RUNDC3B: variants seen among roughly 807,000 people sequenced by gnomAD.
The protein encoded by RUNDC3B is RUN domain containing 3B.
In RUNDC3B, 33 loss-of-function variants were observed where a neutral mutation model predicts 58.4. The ratio of observed to expected loss-of-function variants is 0.56; its 90% CI spans 0.43 to 0.75. RUNDC3B has a LOEUF of 0.75. RUNDC3B is among the 30% of genes least tolerant of loss of function. RUNDC3B has a pLI of 0.00. For synonymous variants in RUNDC3B, 193 were observed against 195.2 expected, an observed-to-expected ratio of 0.99 and a Z score of 0.10; for missense variants, 501 against 535.7, an observed-to-expected ratio of 0.94 and a Z score of 0.64.
At chr7:87,754,243 T>C (rs979534508) in intron 6 of RUNDC3B, among the ~76,000 whole-genome samples, 5 of 152,290 alleles carry the variant, frequency 3.3e-5, no homozygotes, top group East Asian at 1.9e-4. Flanking sequence ...AAACACACTC[T>C]TGGACCACAG....
At chr7:87,676,733 A>G (rs900945250) in intron 2 of RUNDC3B, among the ~76,000 whole-genome samples, 5 of 150,998 alleles carry the variant, frequency 3.3e-5, no homozygotes, top group Non-Finnish European at 7.4e-5. Flanking sequence ...AAAAAAAGAT[A>G]AATGCCTTTA....
chr7:87,750,034 C>G (rs1584095350), intron 6 of RUNDC3B, among the ~76,000 whole-genome samples: 1 of 152,094 alleles, frequency 6.6e-6, no homozygotes, highest in East Asian at 1.9e-4. Context: ...CCCTCTCCCC[C>G]CACCCCACAA....
intron 8 of RUNDC3B, among the ~76,000 whole-genome samples, chr7:87,790,554 A>G (rs931352894): frequency 1.3e-5 from 2 of 152,192 alleles, no homozygotes; most frequent in Admixed American, 1.3e-4. Flanking sequence ...AGAGAATTCA[A>G]AATAGCTGTT....
intron 8 of RUNDC3B, among the ~76,000 whole-genome samples, chr7:87,786,377 G>A (rs560616568): frequency 1.3e-5 from 2 of 151,672 alleles, no homozygotes; most frequent in South Asian, 2.1e-4. Flanking sequence ...TTAGGAATTT[G>A]TATTTTGATG....
chr7:87,681,831 C>T (rs1563129669), intron 2 of RUNDC3B, among the ~76,000 whole-genome samples: 1 of 152,126 alleles, frequency 6.6e-6, no homozygotes, highest in African/African-American at 2.4e-5. Flanking sequence ...AGCAAGACCC[C>T]ATCTCAACAA....
At chr7:87,643,934 C>T (rs1220460415) in intron 1 of RUNDC3B, among the ~76,000 whole-genome samples, 2 of 152,144 alleles carry the variant, frequency 1.3e-5, no homozygotes, top group Non-Finnish European at 2.9e-5. Context: ...TCTCGGCTCA[C>T]TGCAACCTGT....
At chr7:87,641,143 G>T (rs767934800) in intron 1 of RUNDC3B, among the ~76,000 whole-genome samples, 20 of 151,916 alleles carry the variant, frequency 1.3e-4, no homozygotes, top group Middle Eastern at 3.4e-3. Context: ...TACTTTTGTT[G>T]TTCTTTTAGT....
chr7:87,822,088 A>C (rs1215296941), intron 10 of RUNDC3B, among the ~76,000 whole-genome samples: 1 of 152,144 alleles, frequency 6.6e-6, no homozygotes, highest in Non-Finnish European at 1.5e-5. Context: ...AGAAACTACC[A>C]TCAGAGTGAA....
At chr7:87,666,617 T>C (rs1422345054) in intron 2 of RUNDC3B, among the ~76,000 whole-genome samples, 1 of 152,196 alleles carries the variant, frequency 6.6e-6, no homozygotes, top group East Asian at 1.9e-4. Context: ...CTTTAATAGT[T>C]TGAGGTTTTA....
At chr7:87,659,684 G>T (rs1030444995) in intron 2 of RUNDC3B, among the ~76,000 whole-genome samples, 5 of 152,002 alleles carry the variant, frequency 3.3e-5, no homozygotes, top group African/African-American at 1.2e-4. Context: ...CACAGTCCGG[G>T]GTATAAGAGG....
At chr7:87,815,991 T>C in intron 9 of RUNDC3B, 150 bp from the exon 10 acceptor site, 3 of 598,860 alleles carry the variant, frequency 5.0e-6, no homozygotes, top group Non-Finnish European at 9.0e-6. Context: ...GAGATCATAC[T>C]GAAGCCAAGA....
At chr7:87,811,394 C>T (rs887782288) in intron 9 of RUNDC3B, among the ~76,000 whole-genome samples, 8 of 151,552 alleles carry the variant, frequency 5.3e-5, no homozygotes, top group Middle Eastern at 3.4e-3. Flanking sequence ...AGTGCAGTGG[C>T]ACGATCTCGG....
rs372742240 is a variant in RUNDC3B at position 87,829,867 on chromosome 7, T to A, written c.1226-18T>A. ...TTGAAGGGCAATTAATTATTTGCTA[T>A]TTAATTCTAATTTTCAGGTAAGGAA... On this transcript the variant is annotated intron_variant, in intron 10 of 10. Transcript: ENST00000394654. 6.4e-7 allele frequency: 1 copy of A among 1,555,888 alleles called. No homozygotes were observed. The highest frequency in any genetic ancestry group is 8.8e-7 in the Non-Finnish European group (1 of 1,139,196).
intron 8 of RUNDC3B, among the ~76,000 whole-genome samples, chr7:87,783,007 TTG>T (rs1835016349): frequency 1.3e-5 from 2 of 152,124 alleles, no homozygotes; most frequent in Non-Finnish European, 2.9e-5. Context: ...CATCCAGAAT[TTG>T]TTAAGTTTTC....
At chr7:87,634,624 T>C (rs961778301) in intron 1 of RUNDC3B, among the ~76,000 whole-genome samples, 3 of 150,446 alleles carry the variant, frequency 2.0e-5, no homozygotes, top group African/African-American at 7.3e-5. Context: ...GAGACTCTTG[T>C]CTCAAAAAAA....
Position 87,628,957 on chromosome 7 carries a change from C to G in RUNDC3B, c.122+12C>G. On this transcript the variant is annotated intron_variant, in intron 1 of 10. Coordinates refer to ENST00000394654, the MANE Select transcript of RUNDC3B (RefSeq NM_001134405.2). ...ATCACCGTGTGCAGGTACGGCAGCG[C>G]AGGGCGAGGGGAACCAGCCTCCCGC... 1 of 1,308,616 alleles carries G rather than the reference C, an allele frequency of 7.6e-7. No homozygotes were observed. 81.1% of individuals were successfully genotyped at this position (1,308,616 alleles called of 1,614,324 possible).
In RUNDC3B at chr7:87,802,743, G is replaced by A. The variant is rs532958593; in HGVS notation, c.957-4630G>A. Among the ~76,000 whole-genome samples the A allele has an allele frequency of 9.2e-5, 14 of 152,052 alleles. No homozygotes were observed. The East Asian group carries it at 1.6e-3, about 17-fold the overall frequency. On this transcript the variant is annotated intron_variant, in intron 8 of 10. Transcript: ENST00000394654. ...ATTAAGGCAAGGCATAGTGGCTCAC[G>A]CCTGTAATCCCAGCACTTTAGGAGG...
chr7:87,736,535 A>G (rs576732550), intron 4 of RUNDC3B, among the ~76,000 whole-genome samples: 183 of 151,936 alleles, frequency 1.2e-3, no homozygotes, highest in Non-Finnish European at 1.8e-3. Flanking sequence ...ATCAACATAT[A>G]AATACTTGGA....
chr7:87,670,887 T>C (rs1825759277), intron 2 of RUNDC3B, among the ~76,000 whole-genome samples: 1 of 152,222 alleles, frequency 6.6e-6, no homozygotes, highest in African/African-American at 2.4e-5. Flanking sequence ...GTTCTGAAAG[T>C]GTGAGTTTCT....
Sources: gnomAD v4.1 joint callset for allele counts (sites outside exome capture counted in the v4.1 genomes callset) on GRCh38, gnomAD v4.1.1 for gene constraint, MANE v1.5 for transcripts, NCBI Gene and HGNC (gene_info 2026-07-23, HGNC 2026-07-21) for gene names.